Variants in RNF212 observed in about 807,000 individuals in gnomAD.
RNF212 encodes ring finger protein 212.
A neutral mutation model predicts 34.7 loss-of-function variants in RNF212; 33 were observed. The observed-to-expected ratio is 0.95, with a 90% CI of 0.72 to 1.27. The LOEUF is 1.27. RNF212 is among the 50% of genes most tolerant of loss of function. The pLI, the probability that RNF212 is intolerant of heterozygous loss-of-function variation, is 0.00. For missense variants in RNF212, 377 were observed against 362.2 expected, an observed-to-expected ratio of 1.04 and a Z score of -0.33; for synonymous variants, 140 against 136.1, an observed-to-expected ratio of 1.03 and a Z score of -0.20.
chr4:1,070,771 C>G (rs374861387), downstream of RNF212, among the ~76,000 whole-genome samples: 3 of 152,120 alleles, frequency 2.0e-5, no homozygotes, highest in African/African-American at 7.2e-5. Flanking sequence ...GGCACCACAT[C>G]GGTAACATGC....
At position 1,111,917 on chromosome 4, in the gene RNF212, A is replaced by G. The variant is rs576020008; in HGVS notation, c.109+1439T>C. The stretch of plus-strand genomic sequence containing the variant: ...CACCACACAACAATGAAAGTAGATG[A>G]ACTACAGTTACATACAAATACAATG... On this transcript the variant is annotated intron_variant, in intron 1 of 9. Coordinates refer to ENST00000433731, the MANE Select transcript of RNF212 (RefSeq NM_001131034.4). Among the ~76,000 whole-genome samples, 12 of 152,360 alleles carry G rather than the reference A, an allele frequency of 7.9e-5. No individual in the cohort carries two copies. In the East Asian group the frequency reaches 1.2e-3, roughly 15 times the overall value.
downstream of RNF212, among the ~76,000 whole-genome samples, chr4:1,069,080 G>C (rs2153034520): frequency 6.6e-6 from 1 of 152,170 alleles, no homozygotes; most frequent in Admixed American, 6.5e-5. Context: ...GTGTGGTGGT[G>C]CATGCCTATA....
At chr4:1,112,594 C>T (rs907845114) in intron 1 of RNF212, among the ~76,000 whole-genome samples, 14 of 151,894 alleles carry the variant, frequency 9.2e-5, no homozygotes, top group South Asian at 8.3e-4. Flanking sequence ...TTAAGGTTGC[C>T]GCCTGCCCGC....
At chr4:1,112,797 A>G (rs1398057816) in intron 1 of RNF212, among the ~76,000 whole-genome samples, 1 of 65,612 alleles carries the variant, frequency 1.5e-5, no homozygotes, top group African/African-American at 6.2e-5. Context: ...CCCTCCCCCC[A>G]TCTCCTCGGT....
chr4:1,105,288 G>A (rs983643071), intron 2 of RNF212, among the ~76,000 whole-genome samples: 4 of 55,020 alleles, frequency 7.3e-5, no homozygotes, highest in East Asian at 3.5e-3. Context: ...GCTCTGCTCC[G>A]CGCTCACCGG....
intron 1 of RNF212, among the ~76,000 whole-genome samples, chr4:1,110,546 A>C (rs1460350409): frequency 2.0e-5 from 3 of 152,262 alleles, no homozygotes; most frequent in Non-Finnish European, 4.4e-5. Flanking sequence ...TATGATAGCC[A>C]AAAGATGTAT....
At position 1,071,684 on chromosome 4, in the gene RNF212, T is replaced by A. The variant is rs997567013; in HGVS notation, c.*1190A>T. ...AAAAATCAGCATAAGATGCTCCTAGTCATATGTTATCAATGAAATGCAAAA... is the reference window on the plus strand; with the variant it reads ...AAAAATCAGCATAAGATGCTCCTAGACATATGTTATCAATGAAATGCAAAA... On this transcript the variant is annotated 3_prime_UTR_variant, in exon 10 of 10. Transcript: ENST00000433731. 1 of 152,228 alleles carries A rather than the reference T, an allele frequency of 6.6e-6. No individual in the cohort carries two copies. The highest frequency in any genetic ancestry group is 1.9e-4 in the East Asian group (1 of 5,206). 9.4% of individuals were successfully genotyped at this position (152,228 alleles called of 1,614,324 possible).
At chr4:1,099,372 G>C (rs770499451) in intron 2 of RNF212, among the ~76,000 whole-genome samples, 1 of 152,324 alleles carries the variant, frequency 6.6e-6, no homozygotes, top group Non-Finnish European at 1.5e-5. Context: ...TAGAAGCACA[G>C]AGATTCGGGA....
chr4:1,085,019 A>G (rs1720948264), intron 5 of RNF212, among the ~76,000 whole-genome samples: 1 of 152,248 alleles, frequency 6.6e-6, no homozygotes, highest in African/African-American at 2.4e-5. Context: ...TGCCTGACAC[A>G]GCAGGGAGGT....
intron 3 of RNF212, among the ~76,000 whole-genome samples, chr4:1,092,966 A>G (rs538837838): frequency 1.5e-3 from 133 of 89,106 alleles, no homozygotes; most frequent in Non-Finnish European, 2.5e-3. Context: ...ATTCGTCCAC[A>G]TGAGCTCCAA....
At chr4:1,082,641 C>G (rs2153044129) in intron 5 of RNF212, among the ~76,000 whole-genome samples, 1 of 152,368 alleles carries the variant, frequency 6.6e-6, no homozygotes, top group African/African-American at 2.4e-5. Flanking sequence ...GTCACTTATC[C>G]TGACAGCCTG....
At chr4:1,069,548 G>A (rs1577629494), downstream of RNF212, among the ~76,000 whole-genome samples, 1 of 152,334 alleles carries the variant, frequency 6.6e-6, no homozygotes. Flanking sequence ...GGAATCAGGC[G>A]ACCAAGGTGA....
intron 3 of RNF212, among the ~76,000 whole-genome samples, chr4:1,091,879 G>A (rs958460298): frequency 1.3e-5 from 2 of 152,236 alleles, no homozygotes; most frequent in African/African-American, 4.8e-5. Flanking sequence ...CACCAAGGAG[G>A]GAAGACAGTC....
downstream of RNF212, among the ~76,000 whole-genome samples, chr4:1,068,241 G>A (rs1028615317): frequency 3.9e-5 from 6 of 152,210 alleles, no homozygotes; most frequent in African/African-American, 9.6e-5. Context: ...CCAAGATATT[G>A]TGGTATTTCT....
intron 8 of RNF212, among the ~76,000 whole-genome samples, chr4:1,074,180 AC>A (rs1455478161): frequency 6.6e-6 from 1 of 152,124 alleles, no homozygotes; most frequent in Non-Finnish European, 1.5e-5. Context: ...GAACCTGTGA[AC>A]CCAGAGCTGC....
At chr4:1,095,364 C>A (rs1722914170) in intron 3 of RNF212, among the ~76,000 whole-genome samples, 1 of 39,462 alleles carries the variant, frequency 2.5e-5, no homozygotes, top group African/African-American at 1.1e-4. Context: ...CAGCATAGCG[C>A]ACCTGGCTCA....
chr4:1,113,229 C>T (rs1309525899), intron 1 of RNF212, 127 bp downstream of exon 1: 1 of 50,972 alleles, frequency 2.0e-5, no homozygotes, highest in African/African-American at 3.9e-4. Flanking sequence ...TCTCCACGCG[C>T]CCTCTCTCCT....
chr4:1,085,974 C>T lies in RNF212; in HGVS notation c.304-20G>A. ...AGAAATCTAAACATAATTACACAAC[C>T]TCTTGTTATCAGACAGGCTATGCTG... On this transcript the variant is annotated intron_variant, in intron 4 of 9. Transcript: ENST00000433731. 6.4e-7 allele frequency: 1 copy of T among 1,558,600 alleles called. No individual in the cohort carries two copies. The highest frequency in any genetic ancestry group is 1.4e-5 in the African/African-American group (1 of 73,996).
intron 2 of RNF212, among the ~76,000 whole-genome samples, chr4:1,102,247 G>A (rs796668859): frequency 3.0e-4 from 45 of 152,316 alleles, no homozygotes; most frequent in African/African-American, 9.4e-4. Flanking sequence ...CTAAAAATTA[G>A]TTTTTGAAAA....
Sources: allele counts gnomAD v4.1 joint callset (sites outside exome capture counted in the v4.1 genomes callset), GRCh38; gene constraint gnomAD v4.1.1; transcripts MANE v1.5; gene names NCBI Gene and HGNC (gene_info 2026-07-23, HGNC 2026-07-21).